The following SLC20A1 variants were observed in gnomAD, a reference collection of about 807,000 sequenced individuals.
The protein encoded by SLC20A1 is solute carrier family 20 member 1.
A neutral mutation model predicts 62.7 loss-of-function variants in SLC20A1; 28 were observed. That is an observed-to-expected ratio of 0.45 (90% confidence interval 0.33 to 0.61). SLC20A1 has a LOEUF of 0.61. Ranked by LOEUF, SLC20A1 falls within the 20% of genes least tolerant of loss-of-function variation. The pLI is 0.02. For missense variants in SLC20A1, 673 were observed against 838.6 expected (o/e 0.80, Z 2.44); for synonymous variants, 305 against 302.9 (o/e 1.01, Z -0.07).
chr2:112,651,079 G>A (rs1301422328), intron 4 of SLC20A1, among the ~76,000 whole-genome samples: 2 of 152,044 alleles, frequency 1.3e-5, no homozygotes, highest in Non-Finnish European at 2.9e-5. Context: ...TTTTGTTTTG[G>A]CTATTTCACT....
At chr2:112,647,553 A>AG in intron 3 of SLC20A1, 89 bp downstream of exon 3, 2 of 1,579,564 alleles carry the variant, frequency 1.3e-6, no homozygotes, top group Non-Finnish European at 1.7e-6. Flanking sequence ...TCTAACGTCG[A>AG]GGGACAGACC....
chr2:112,659,576 T>G lies in SLC20A1; in HGVS notation c.1421T>G (p.Leu474Arg), dbSNP rs1020665246. 19 of 1,614,226 alleles carry G rather than the reference T, an allele frequency of 1.2e-5. No homozygotes were observed. The highest frequency in any genetic ancestry group is 1.6e-5 in the Non-Finnish European group (19 of 1,180,040). Residue 474 changes from leucine to arginine, a missense_variant, in exon 8 of 11, where the codon CTT (leucine) becomes CGT (arginine). Transcript: ENST00000272542. ...AGTTACTGCAATGCTGTGTCTGACC[T>G]TCACTCAGCATCTGAGATAGACATG... ...YTSYCNAVSD[L>R]HSASEIDMSV...
At chr2:112,661,084 G>A in intron 9 of SLC20A1, 58 bp from the exon 10 acceptor site, 1 of 1,284,790 alleles carries the variant, frequency 7.8e-7, no homozygotes, top group South Asian at 1.2e-5. Flanking sequence ...GAGGTGTAGT[G>A]TTAGCTTCTC....
chr2:112,661,268 A>G (rs548935665), intron 10 of SLC20A1, 42 bp downstream of exon 10: 1 of 1,472,254 alleles, frequency 6.8e-7, no homozygotes. Context: ...TGGTTCTTCT[A>G]ATATGTAGGG....
At chr2:112,662,224 T>A (rs1686768399) in intron 10 of SLC20A1, among the ~76,000 whole-genome samples, 1 of 152,200 alleles carries the variant, frequency 6.6e-6, no homozygotes, top group African/African-American at 2.4e-5. Context: ...AATTGTTTAT[T>A]AGGTTTAATA....
At chr2:112,650,716 C>G (rs911194281) in intron 4 of SLC20A1, among the ~76,000 whole-genome samples, 1 of 152,010 alleles carries the variant, frequency 6.6e-6, no homozygotes, top group African/African-American at 2.4e-5. Flanking sequence ...CTTGACCTCC[C>G]AGGCTCAAGT....
At chr2:112,647,830 A>T (rs1232133689) in intron 4 of SLC20A1, 92 bp downstream of exon 4, 4 of 1,005,464 alleles carry the variant, frequency 4.0e-6, no homozygotes, top group Non-Finnish European at 6.3e-6. Context: ...ATTGGTGTAT[A>T]GGTATGCGGC....
At position 112,659,388 on chromosome 2, in the gene SLC20A1, C is replaced by G; in HGVS notation, c.1233C>G (p.Pro411=). ...GDCMGDSGDK[P]LRRNNSYTSY... is the part of the protein sequence containing the mutation. Reference sequence around the variant, plus strand: ...GCATGGGAGACTCCGGTGACAAACCCTTAAGGCGCAATAATAGCTATACTT... The same window carrying G: ...GCATGGGAGACTCCGGTGACAAACCGTTAAGGCGCAATAATAGCTATACTT... The change falls in exon 8 of 11, where the codon CCC becomes CCG. Residue 411 remains proline (P), a synonymous_variant. Coordinates refer to ENST00000272542, the MANE Select transcript of SLC20A1 (RefSeq NM_005415.5). The G allele has an allele frequency of 6.2e-7, 1 of 1,614,154 alleles. No homozygotes were observed. Among genetic ancestry groups the G allele is most frequent in the Non-Finnish European group, 8.5e-7 (1 of 1,180,030 alleles).
At chr2:112,657,383 C>T (rs1004956237) in intron 6 of SLC20A1, 142 bp downstream of exon 6, 4 of 874,952 alleles carry the variant, frequency 4.6e-6, no homozygotes, top group Non-Finnish European at 5.1e-6. Context: ...GTTTGTTGTC[C>T]AAACTGTTTT....
intron 1 of SLC20A1, 107 bp downstream of exon 1, chr2:112,646,236 CTT>C (rs1336927163): frequency 1.3e-5 from 2 of 152,140 alleles, no homozygotes; most frequent in Non-Finnish European, 2.9e-5. Context: ...TGGCTTCTCT[CTT>C]CGCCGCTGGC....
chr2:112,650,622 C>T (rs1022846334), intron 4 of SLC20A1, among the ~76,000 whole-genome samples: 1 of 151,636 alleles, frequency 6.6e-6, no homozygotes, highest in African/African-American at 2.4e-5. Context: ...TGAGCCACTG[C>T]ACCTGGCTTT....
chr2:112,654,293 T>C lies in SLC20A1; in HGVS notation c.658+1495T>C, dbSNP rs563150190. ...GAGAAGTTTGTATGCCAGATTTCCA[T>C]TGTAAACAGTTCTTTGTGATAAACT... On this transcript the variant is annotated intron_variant, in intron 5 of 10. Coordinates refer to ENST00000272542, the MANE Select transcript of SLC20A1 (RefSeq NM_005415.5). 2.6e-5 allele frequency among the ~76,000 whole-genome samples: 4 copies of C among 152,360 alleles called. No homozygotes were observed. In the East Asian group the frequency reaches 7.7e-4, roughly 29 times the overall value.
At position 112,663,772 on chromosome 2, in the gene SLC20A1, A is replaced by G. The variant is rs765897785; in HGVS notation, c.*747A>G. 5 of 152,904 alleles carry G rather than the reference A, an allele frequency of 3.3e-5. No homozygotes were observed. Among genetic ancestry groups the G allele is most frequent in the African/African-American group, 9.7e-5 (4 of 41,450 alleles). The allele number at this position is 152,904 out of a possible 1,614,324, so 9.5% of individuals were successfully genotyped here. A position where few individuals can be genotyped will look rare whatever the true frequency, so the allele number is the denominator to read the frequency against. On this transcript the variant is annotated 3_prime_UTR_variant, in exon 11 of 11. Transcript: ENST00000272542. ...GGCAAGTTAAGTGGGACAGCCTTCC[A>G]TGTTCATTTGTCTACCTCTTAACTG...
At chr2:112,648,114 C>CT (rs201463286) in intron 4 of SLC20A1, among the ~76,000 whole-genome samples, 2,295 of 152,224 alleles carry the variant, frequency 0.015, 25 homozygotes, top group Non-Finnish European at 0.024. Context: ...TCCCCTGTGG[C>CT]TTTTTTAACT....
chr2:112,659,772 C>T lies in SLC20A1; in HGVS notation c.1607+10C>T. On this transcript the variant is annotated intron_variant, in intron 8 of 10. Transcript: ENST00000272542. ...GTGGCAATGACGTAAGGTCAGTTGACATTGATCTTAGTGTTGCTAACCCTA... is the reference window on the plus strand; with the variant it reads ...GTGGCAATGACGTAAGGTCAGTTGATATTGATCTTAGTGTTGCTAACCCTA... 1.2e-6 allele frequency: 2 copies of T among 1,602,098 alleles called. No individual in the cohort carries two copies. Among genetic ancestry groups the T allele is most frequent in the South Asian group, 2.2e-5 (2 of 89,976 alleles).
rs1169491855 is a variant in SLC20A1 at position 112,646,968 on chromosome 2, C to T, written c.140C>T (p.Ser47Phe). Residue 47 changes from serine (S) to phenylalanine (F), a missense_variant, in exon 2 of 11, where the codon TCT (serine) becomes TTT (phenylalanine). Ser to Phe is a radical substitution (Grantham distance 155). Coordinates refer to ENST00000272542, the MANE Select transcript of SLC20A1 (RefSeq NM_005415.5). ...FSVGANDVANSFGTAVGSGVV... is the reference protein window; with the variant it reads ...FSVGANDVANFFGTAVGSGVV... ...GTGGGAGCCAATGATGTAGCAAATT[C>T]TTTTGGTACAGCTGTGGGCTCAGGT... 3 of 1,613,978 alleles carry T rather than the reference C, an allele frequency of 1.9e-6. No homozygotes were observed. The highest frequency in any genetic ancestry group is 1.7e-6 in the Non-Finnish European group (2 of 1,180,020).
At chr2:112,657,000 C>A in intron 5 of SLC20A1, 122 bp from the exon 6 acceptor site, 2 of 1,126,814 alleles carry the variant, frequency 1.8e-6, no homozygotes, top group Non-Finnish European at 2.7e-6. Flanking sequence ...TTAAATCTGG[C>A]AGCAGCTGTC....
At chr2:112,652,892 T>C (rs765898028) in intron 5 of SLC20A1, 94 bp downstream of exon 5, 51 of 1,608,780 alleles carry the variant, frequency 3.2e-5, no homozygotes, top group Non-Finnish European at 4.2e-5. Flanking sequence ...TTTACAGGGC[T>C]GAAATCTCCT....
Position 112,647,933 on chromosome 2 carries a change from C to T in SLC20A1, c.561+195C>T, listed in dbSNP as rs1470128154. Reference sequence around the variant, plus strand: ...AGTTTTTAATACTCAAGAGGGCAGTCAGGAAGGAAAAATTGAATACTATGA... The same window carrying T: ...AGTTTTTAATACTCAAGAGGGCAGTTAGGAAGGAAAAATTGAATACTATGA... On this transcript the variant is annotated intron_variant, in intron 4 of 10. Transcript: ENST00000272542. Among the ~76,000 whole-genome samples the T allele has an allele frequency of 8.5e-5, 13 of 152,088 alleles. No homozygotes were observed. In the East Asian group the frequency reaches 2.5e-3, roughly 29 times the overall value.
Sources: allele counts gnomAD v4.1 joint callset (sites outside exome capture counted in the v4.1 genomes callset), GRCh38; gene constraint gnomAD v4.1.1; transcripts MANE v1.5; gene names NCBI Gene and HGNC (gene_info 2026-07-23, HGNC 2026-07-21).